The following GABRB1 variants were observed in gnomAD, a reference collection of about 807,000 sequenced individuals.
GABRB1 encodes the protein gamma-aminobutyric acid receptor subunit beta-1.
Under a neutral mutation model 51.6 loss-of-function variants are expected in GABRB1, and 17 were observed. The ratio of observed to expected loss-of-function variants is 0.33; its 90% confidence interval spans 0.23 to 0.49. The LOEUF is 0.49. GABRB1 is among the 20% of genes least tolerant of loss of function. GABRB1 has a pLI of 0.99. For synonymous variants in GABRB1, 247 were observed against 218.9 expected (o/e 1.13, Z -1.14); for missense variants, 410 against 600.6 (o/e 0.68, Z 3.32).
At chr4:47,312,804 C>A (rs1724751099) in intron 4 of GABRB1, among the ~76,000 whole-genome samples, 1 of 152,124 alleles carries the variant, frequency 6.6e-6, no homozygotes, top group Non-Finnish European at 1.5e-5. Context: ...TTTAAGTTCA[C>A]ATTGCTATTT....
chr4:47,371,430 T>C (rs1375616904), intron 5 of GABRB1, among the ~76,000 whole-genome samples: 1 of 152,232 alleles, frequency 6.6e-6, no homozygotes, highest in African/African-American at 2.4e-5. Flanking sequence ...TGGAATGACT[T>C]ACATTCTTTT....
intron 3 of GABRB1, among the ~76,000 whole-genome samples, chr4:47,035,627 T>G (rs1426023526): frequency 1.3e-5 from 2 of 152,044 alleles, no homozygotes; most frequent in East Asian, 3.9e-4. Flanking sequence ...TTTAACTGTT[T>G]CTGCCAAGCC....
intron 4 of GABRB1, among the ~76,000 whole-genome samples, chr4:47,222,494 C>T (rs902436181): frequency 6.6e-6 from 1 of 152,054 alleles, no homozygotes; most frequent in African/African-American, 2.4e-5. Context: ...CTGCATTAGG[C>T]CTTGAAGTCT....
intron 5 of GABRB1, among the ~76,000 whole-genome samples, chr4:47,393,985 C>G (rs1210951032): frequency 6.6e-6 from 1 of 152,184 alleles, no homozygotes; most frequent in Non-Finnish European, 1.5e-5. Context: ...TCCCTAAGAA[C>G]TAGGTATTGT....
chr4:47,288,541 T>A (rs1578065868), intron 4 of GABRB1, among the ~76,000 whole-genome samples: 1 of 152,048 alleles, frequency 6.6e-6, no homozygotes, highest in Admixed American at 6.5e-5. Context: ...GGATTACAGG[T>A]GTGAGCCACC....
In GABRB1 at chr4:47,100,664, T is replaced by C. The variant is rs1357628460; in HGVS notation, c.241-60585T>C. Among the ~76,000 whole-genome samples the C allele has an allele frequency of 4.0e-5, 6 of 151,838 alleles. No homozygotes were observed. The South Asian group carries it at 8.3e-4, about 21-fold the overall frequency. On this transcript the variant is annotated intron_variant, in intron 3 of 8. Coordinates refer to ENST00000295454, the MANE Select transcript of GABRB1 (RefSeq NM_000812.4). ...GTACTTTTGCTACCAAATGTTGTGATGGAAAAGGTAAAGAAGGGGAATAAA... is the reference window on the plus strand; with the variant it reads ...GTACTTTTGCTACCAAATGTTGTGACGGAAAAGGTAAAGAAGGGGAATAAA...
intron 4 of GABRB1, among the ~76,000 whole-genome samples, chr4:47,205,366 T>A (rs1026570089): frequency 2.6e-5 from 4 of 152,160 alleles, no homozygotes; most frequent in Non-Finnish European, 5.9e-5. Flanking sequence ...ATATTTAGAT[T>A]TGGTTTATGT....
chr4:47,324,356 C>T (rs1473758807), intron 5 of GABRB1, among the ~76,000 whole-genome samples: 1 of 152,084 alleles, frequency 6.6e-6, no homozygotes, highest in Non-Finnish European at 1.5e-5. Context: ...ACACACATAC[C>T]TCACCCCTGA....
At chr4:47,091,972 T>C (rs930767467) in intron 3 of GABRB1, among the ~76,000 whole-genome samples, 3 of 152,070 alleles carry the variant, frequency 2.0e-5, no homozygotes, top group African/African-American at 7.2e-5. Flanking sequence ...TTCAAATATT[T>C]CTTCTTCAAA....
chr4:47,293,626 G>A (rs1723845881), intron 4 of GABRB1, among the ~76,000 whole-genome samples: 1 of 152,170 alleles, frequency 6.6e-6, no homozygotes, highest in Non-Finnish European at 1.5e-5. Context: ...ATTTAATTAA[G>A]ATAAGGTCAT....
chr4:47,232,463 C>A (rs573952756), intron 4 of GABRB1, among the ~76,000 whole-genome samples: 12 of 152,248 alleles, frequency 7.9e-5, no homozygotes, highest in Middle Eastern at 3.4e-3. Context: ...TTCCATACAA[C>A]CTTCTTCTTA....
intron 1 of GABRB1, among the ~76,000 whole-genome samples, chr4:47,004,915 A>G (rs1203204615): frequency 6.6e-6 from 1 of 152,216 alleles, no homozygotes; most frequent in Non-Finnish European, 1.5e-5. Context: ...CTCGAAGGTC[A>G]ATGGCATGCA....
intron 4 of GABRB1, among the ~76,000 whole-genome samples, chr4:47,288,693 A>C (rs996319670): frequency 1.3e-5 from 2 of 152,184 alleles, no homozygotes; most frequent in African/African-American, 4.8e-5. Flanking sequence ...CATCATAGCA[A>C]ATGTTTATTG....
chr4:47,348,119 C>T (rs543181168), intron 5 of GABRB1, among the ~76,000 whole-genome samples: 1 of 152,252 alleles, frequency 6.6e-6, no homozygotes, highest in South Asian at 2.1e-4. Context: ...ACACAGTAAC[C>T]TTTTAATCAA....
intron 3 of GABRB1, among the ~76,000 whole-genome samples, chr4:47,035,284 T>C (rs1725500000): frequency 6.6e-6 from 1 of 152,060 alleles, no homozygotes; most frequent in African/African-American, 2.4e-5. Context: ...TCTTAATTTG[T>C]GAAAAATTAA....
intron 4 of GABRB1, among the ~76,000 whole-genome samples, chr4:47,205,898 T>C (rs1720099443): frequency 6.6e-6 from 1 of 152,048 alleles, no homozygotes; most frequent in Admixed American, 6.6e-5. Context: ...CCTTTCCCAT[T>C]CTCAAATATT....
At chr4:47,397,858 C>T (rs141154014) in intron 5 of GABRB1, among the ~76,000 whole-genome samples, 1 of 152,240 alleles carries the variant, frequency 6.6e-6, no homozygotes, top group East Asian at 1.9e-4. Context: ...CAGGTGTGAG[C>T]CACCACACCC....
At chr4:47,371,807 T>A (rs941956400) in intron 5 of GABRB1, among the ~76,000 whole-genome samples, 3 of 152,224 alleles carry the variant, frequency 2.0e-5, no homozygotes, top group Non-Finnish European at 4.4e-5. Flanking sequence ...CTTGTAAATT[T>A]GTTTAAGTTC....
chr4:47,134,740 G>A (rs1462567962), intron 3 of GABRB1, among the ~76,000 whole-genome samples: 3 of 152,140 alleles, frequency 2.0e-5, no homozygotes, highest in Non-Finnish European at 4.4e-5. Flanking sequence ...AGTACAGTAG[G>A]TGGAAAAGGA....
Sources: gnomAD v4.1 joint callset for allele counts (sites outside exome capture counted in the v4.1 genomes callset) on GRCh38, gnomAD v4.1.1 for gene constraint, MANE v1.5 for transcripts, NCBI Gene and HGNC (gene_info 2026-07-23, HGNC 2026-07-21) for gene names.